THSD4: variants seen among roughly 807,000 people sequenced by gnomAD.
THSD4 encodes the protein thrombospondin type 1 domain containing 4.
A neutral mutation model predicts 119.0 loss-of-function variants in THSD4; 69 were observed. The ratio of observed to expected loss-of-function variants is 0.58; its 90% confidence interval spans 0.48 to 0.71. The LOEUF is 0.71. Among genes scored for constraint, THSD4 ranks in the 30% least tolerant of loss-of-function variants. The probability of loss-of-function intolerance (pLI) is 0.00; values close to 1 mark genes in which losing one functional copy is unlikely to be tolerated. For missense variants in THSD4, 1,393 were observed against 1,391.1 expected (o/e 1.00, Z -0.02); for synonymous variants, 524 against 540.4 (o/e 0.97, Z 0.42).
chr15:71,646,911 C>T (rs372792209), intron 7 of THSD4, among the ~76,000 whole-genome samples: 3 of 152,210 alleles, frequency 2.0e-5, no homozygotes, highest in East Asian at 1.9e-4. Context: ...GTAATCAGCT[C>T]GTTTAAGTGA....
chr15:71,569,080 A>T (rs1165531975), intron 7 of THSD4, among the ~76,000 whole-genome samples: 3 of 152,226 alleles, frequency 2.0e-5, no homozygotes, highest in Non-Finnish European at 4.4e-5. Context: ...CTTTTCTAAA[A>T]ATAGATGTTT....
intron 6 of THSD4, among the ~76,000 whole-genome samples, chr15:71,321,070 C>A (rs1427112258): frequency 6.6e-6 from 1 of 152,182 alleles, no homozygotes; most frequent in African/African-American, 2.4e-5. Context: ...ATAACAGCTG[C>A]CCTGTAACCT....
intron 6 of THSD4, among the ~76,000 whole-genome samples, chr15:71,290,042 C>A (rs998859216): frequency 1.3e-5 from 2 of 152,112 alleles, no homozygotes; most frequent in African/African-American, 4.8e-5. Context: ...TACACATTGC[C>A]CCCAAAGAAC....
At chr15:71,644,140 C>T (rs2050922347) in intron 7 of THSD4, among the ~76,000 whole-genome samples, 1 of 152,154 alleles carries the variant, frequency 6.6e-6, no homozygotes, top group African/African-American at 2.4e-5. Flanking sequence ...CAACAGAAAA[C>T]AGTAGGACTC....
intron 6 of THSD4, among the ~76,000 whole-genome samples, chr15:71,408,806 C>T (rs968339529): frequency 2.6e-5 from 4 of 152,010 alleles, no homozygotes; most frequent in South Asian, 2.1e-4. Context: ...GAGCCAAGAA[C>T]GCACCACTGC....
At chr15:71,540,520 C>T (rs1189104466) in intron 7 of THSD4, among the ~76,000 whole-genome samples, 3 of 144,024 alleles carry the variant, frequency 2.1e-5, no homozygotes, top group Non-Finnish European at 4.5e-5. Context: ...CCTCTAACTC[C>T]TGGGTTCAAG....
At chr15:71,745,073 G>A (rs911975646) in intron 11 of THSD4, 33 bp from the exon 12 acceptor site, 1 of 1,601,336 alleles carries the variant, frequency 6.2e-7, no homozygotes, top group Non-Finnish European at 8.5e-7. Flanking sequence ...CAGTGTGTGG[G>A]ACTGTCCTTC....
intron 7 of THSD4, among the ~76,000 whole-genome samples, chr15:71,485,693 AAAAG>A (rs2047804791): frequency 6.6e-6 from 1 of 152,150 alleles, no homozygotes; most frequent in African/African-American, 2.4e-5. Context: ...AAGAAAAAAA[AAAAG>A]AGAGAGAATA....
At chr15:71,452,389 G>T (rs906562267) in intron 7 of THSD4, among the ~76,000 whole-genome samples, 11 of 151,844 alleles carry the variant, frequency 7.2e-5, no homozygotes, top group Non-Finnish European at 1.3e-4. Flanking sequence ...CTGGGTATGG[G>T]GGAGGCTGCA....
rs1185451144 is a variant in THSD4 at position 71,299,976 on chromosome 15, AAT to A, written c.1015+43286_1015+43287del. 9.2e-3 allele frequency among the ~76,000 whole-genome samples: 443 copies of A among 48,260 alleles called. 5 individuals are homozygous for A. The highest frequency in any genetic ancestry group is 0.032 in the African/African-American group (410 of 12,908). The allele number at this position is 48,260 out of a possible 152,430, so 31.7% of individuals were successfully genotyped here. A position where few individuals can be genotyped will look rare whatever the true frequency, so the allele number is the denominator to read the frequency against. On this transcript the variant is annotated intron_variant, in intron 6 of 17. Transcript: ENST00000261862. Reference sequence around the variant, plus strand: ...TGTCTCTACCAAAAAAAAAAAAAAAAATATATATATATATATATATATATATT... The same window carrying A: ...TGTCTCTACCAAAAAAAAAAAAAAAAATATATATATATATATATATATATT...
At chr15:71,108,717 C>T (rs1246415103) in intron 1 of THSD4, among the ~76,000 whole-genome samples, 3 of 152,172 alleles carry the variant, frequency 2.0e-5, no homozygotes, top group African/African-American at 4.8e-5. Context: ...TAGGGCCGGG[C>T]GTGGTAGCTC....
intron 8 of THSD4, among the ~76,000 whole-genome samples, chr15:71,685,600 A>G (rs758787724): frequency 6.6e-6 from 1 of 152,128 alleles, no homozygotes; most frequent in African/African-American, 2.4e-5. Flanking sequence ...TGCTTCTCCA[A>G]TCTATTGTGA....
intron 1 of THSD4, among the ~76,000 whole-genome samples, chr15:71,101,367 C>T (rs537619642): frequency 4.6e-5 from 7 of 152,128 alleles, no homozygotes; most frequent in African/African-American, 1.7e-4. Context: ...TTTGGCATCC[C>T]CTGTTTACGT....
intron 7 of THSD4, among the ~76,000 whole-genome samples, chr15:71,580,588 C>T (rs1182335795): frequency 6.6e-6 from 1 of 152,092 alleles, no homozygotes; most frequent in Admixed American, 6.6e-5. Flanking sequence ...AATTATTTAT[C>T]TTGTGTAACT....
At chr15:71,567,598 C>CCCG (rs1292942991) in intron 7 of THSD4, among the ~76,000 whole-genome samples, 1 of 128,564 alleles carries the variant, frequency 7.8e-6, no homozygotes, top group Non-Finnish European at 1.7e-5. Flanking sequence ...ACAAAGACAC[C>CCCG]CCCCCACACA....
chr15:71,399,350 G>A (rs950310127), intron 6 of THSD4, among the ~76,000 whole-genome samples: 2 of 152,128 alleles, frequency 1.3e-5, no homozygotes, highest in African/African-American at 2.4e-5. Flanking sequence ...TTTACAAAAG[G>A]TAGGACTAAG....
intron 6 of THSD4, among the ~76,000 whole-genome samples, chr15:71,313,382 C>T (rs556697961): frequency 1.3e-5 from 2 of 152,334 alleles, no homozygotes; most frequent in Non-Finnish European, 2.9e-5. Context: ...TGGACATTCC[C>T]TGCCCCAGTT....
In THSD4 at chr15:71,129,209, G is replaced by A. The variant is rs150162393; in HGVS notation, c.-79-12240G>A. 1.7e-3 allele frequency among the ~76,000 whole-genome samples: 254 copies of A among 152,336 alleles called. 1 individual carries two copies. The highest frequency in any genetic ancestry group is 6.0e-3 in the African/African-American group (249 of 41,578). On this transcript the variant is annotated intron_variant, in intron 1 of 17. Coordinates refer to ENST00000261862, the MANE Select transcript of THSD4 (RefSeq NM_024817.3). ...CACCTTGGGCCATCAGCAGCAGGAG[G>A]AAACTCGAAGTACAGGGAAGCTGCC...
intron 6 of THSD4, among the ~76,000 whole-genome samples, chr15:71,303,695 C>T (rs1052323739): frequency 6.6e-6 from 1 of 152,164 alleles, no homozygotes; most frequent in African/African-American, 2.4e-5. Context: ...TCCTTATAAA[C>T]TGGGCCTTAT....
Sources: gnomAD v4.1 joint callset for allele counts (sites outside exome capture counted in the v4.1 genomes callset) on GRCh38, gnomAD v4.1.1 for gene constraint, MANE v1.5 for transcripts, NCBI Gene and HGNC (gene_info 2026-07-23, HGNC 2026-07-21) for gene names.